Variants in SMOC2 observed in about 807,000 individuals in gnomAD.
SMOC2 encodes the protein SPARC related modular calcium binding 2, also known as SPARC-related modular calcium-binding protein 2.
In SMOC2, 39 loss-of-function variants were observed where a neutral mutation model predicts 61.4. That is an observed-to-expected ratio of 0.64 (90% CI 0.49 to 0.83). The LOEUF (loss-of-function observed/expected upper bound fraction) is 0.83. Ranked by LOEUF, SMOC2 falls within the 40% of genes least tolerant of loss-of-function variation. The probability of loss-of-function intolerance (pLI) is 0.00; values close to 1 mark genes in which losing one functional copy is unlikely to be tolerated. For synonymous variants in SMOC2, 247 were observed against 239.9 expected, an observed-to-expected ratio of 1.03 and a Z score of -0.27; for missense variants, 556 against 592.9, an observed-to-expected ratio of 0.94 and a Z score of 0.65.
intron 1 of SMOC2, among the ~76,000 whole-genome samples, chr6:168,501,533 C>T (rs962230864): frequency 1.3e-5 from 2 of 152,088 alleles, no homozygotes; most frequent in East Asian, 1.9e-4. Flanking sequence ...GGGCCAGGAA[C>T]CTGAAGCCCA....
chr6:168,575,530 T>G (rs183114334), intron 7 of SMOC2, among the ~76,000 whole-genome samples: 3 of 152,138 alleles, frequency 2.0e-5, no homozygotes, highest in African/African-American at 7.2e-5. Context: ...AGTTCCCCGA[T>G]GCAGAAGACG....
intron 1 of SMOC2, among the ~76,000 whole-genome samples, chr6:168,447,813 G>A (rs1781362978): frequency 6.7e-6 from 1 of 148,358 alleles, no homozygotes; most frequent in Admixed American, 6.8e-5. Context: ...TAAAGGACAA[G>A]TTCACCAGTT....
chr6:168,450,707 G>A (rs574844949), intron 1 of SMOC2, among the ~76,000 whole-genome samples: 21 of 152,146 alleles, frequency 1.4e-4, no homozygotes, highest in Admixed American at 3.3e-4. Context: ...GTTCTGTTTG[G>A]AGCTTTGGTT....
At chr6:168,653,254 T>A in intron 11 of SMOC2, 26 bp downstream of exon 11, 2 of 1,104,210 alleles carry the variant, frequency 1.8e-6, no homozygotes, top group Non-Finnish European at 2.6e-6. Context: ...CCCCCGACCC[T>A]GGGCAGTGGT....
intron 1 of SMOC2, among the ~76,000 whole-genome samples, chr6:168,503,065 C>CTTTTT (rs762736911): frequency 4.2e-5 from 2 of 47,824 alleles, no homozygotes; most frequent in Admixed American, 2.9e-4. Flanking sequence ...CGTGCCTGGC[C>CTTTTT]TTTTTTTTTT....
chr6:168,651,077 G>A (rs970481580), intron 10 of SMOC2, among the ~76,000 whole-genome samples: 4 of 152,238 alleles, frequency 2.6e-5, no homozygotes, highest in African/African-American at 9.6e-5. Flanking sequence ...GGCAGGGGGA[G>A]CACTTCCTGC....
At chr6:168,646,233 T>C (rs942155188) in intron 9 of SMOC2, among the ~76,000 whole-genome samples, 1 of 152,176 alleles carries the variant, frequency 6.6e-6, no homozygotes, top group African/African-American at 2.4e-5. Context: ...TTCCCTCGTG[T>C]TCCCGATCCA....
At position 168,652,987 on chromosome 6, in the gene SMOC2, G is replaced by A. The variant is rs1186343951; in HGVS notation, c.1044G>A (p.Glu348=). The part of the protein sequence containing the change: ...LSEPDPSHTL[E]ERVVHWYFKL... ...AACCCGACCCCAGCCATACCCTAGA[G>A]GAGCGGGTGGTGCACTGGTACTTCA... is the stretch of plus-strand genomic sequence containing the variant. Residue 348 remains glutamate (E), a synonymous_variant, in exon 11 of 13, where the codon GAG becomes GAA. Coordinates refer to ENST00000356284, the MANE Select transcript of SMOC2 (RefSeq NM_001166412.2). 5 of 1,613,994 alleles carry A rather than the reference G, an allele frequency of 3.1e-6. No individual in the cohort carries two copies. Among genetic ancestry groups the A allele is most frequent in the Non-Finnish European group, 3.4e-6 (4 of 1,179,960 alleles).
At chr6:168,562,807 T>C (rs907230136) in intron 7 of SMOC2, among the ~76,000 whole-genome samples, 2 of 152,162 alleles carry the variant, frequency 1.3e-5, no homozygotes, top group Non-Finnish European at 2.9e-5. Flanking sequence ...CCCGTGGAGC[T>C]GTTTTCCCGG....
chr6:168,623,426 A>G (rs1169176774), intron 9 of SMOC2, among the ~76,000 whole-genome samples: 1 of 150,154 alleles, frequency 6.7e-6, no homozygotes, highest in Non-Finnish European at 1.5e-5. Context: ...CCCGGGTTCA[A>G]GCAATTCTCC....
intron 1 of SMOC2, among the ~76,000 whole-genome samples, chr6:168,468,814 C>G (rs1781902178): frequency 6.6e-6 from 1 of 152,160 alleles, no homozygotes; most frequent in African/African-American, 2.4e-5. Context: ...GATTACAGAC[C>G]TGAGCCACCA....
At chr6:168,493,800 C>G (rs910019796) in intron 1 of SMOC2, among the ~76,000 whole-genome samples, 2 of 152,066 alleles carry the variant, frequency 1.3e-5, no homozygotes, top group Non-Finnish European at 2.9e-5. Context: ...AAATGACAGC[C>G]AAGAAAATAA....
chr6:168,483,008 T>C (rs963507104), intron 1 of SMOC2, among the ~76,000 whole-genome samples: 6 of 152,088 alleles, frequency 3.9e-5, no homozygotes, highest in African/African-American at 1.4e-4. Context: ...CAAGGATGCC[T>C]GCTTTCACCA....
intron 1 of SMOC2, among the ~76,000 whole-genome samples, chr6:168,482,239 C>T (rs1030439216): frequency 1.3e-5 from 2 of 151,852 alleles, no homozygotes; most frequent in Non-Finnish European, 2.9e-5. Context: ...AAAGTGGGAA[C>T]AGTACTACCA....
Position 168,559,283 on chromosome 6 carries a change from C to T in SMOC2, c.637+10080C>T, listed in dbSNP as rs575035013. On this transcript the variant is annotated intron_variant, in intron 7 of 12. Coordinates refer to ENST00000356284, the MANE Select transcript of SMOC2 (RefSeq NM_001166412.2). ...CCAGCCTGGCCAACATGGTGAAACC[C>T]GGTCTCTACTAAAAATACAAAATTA... 3.0e-4 allele frequency among the ~76,000 whole-genome samples: 46 copies of T among 151,990 alleles called. 1 individual carries two copies. The South Asian group carries it at 6.4e-3, about 21-fold the overall frequency.
chr6:168,595,404 T>G (rs1392695318), intron 7 of SMOC2, among the ~76,000 whole-genome samples: 1 of 152,190 alleles, frequency 6.6e-6, no homozygotes, highest in African/African-American at 2.4e-5. Context: ...TCTACCAGCG[T>G]GATTAAGTCC....
chr6:168,506,874 T>C (rs1782883497), intron 1 of SMOC2, among the ~76,000 whole-genome samples: 2 of 152,242 alleles, frequency 1.3e-5, no homozygotes, highest in South Asian at 4.1e-4. Flanking sequence ...TTCTTTGCAA[T>C]AGGAATATTT....
chr6:168,579,561 C>G (rs914172708), intron 7 of SMOC2, among the ~76,000 whole-genome samples: 2 of 152,294 alleles, frequency 1.3e-5, no homozygotes, highest in East Asian at 3.9e-4. Flanking sequence ...AGAATAAAGT[C>G]GCATTTCTGT....
intron 2 of SMOC2, among the ~76,000 whole-genome samples, chr6:168,518,341 T>G (rs1220052755): frequency 6.0e-5 from 9 of 150,776 alleles, no homozygotes; most frequent in Admixed American, 2.7e-4. Context: ...ATGCCTGAGG[T>G]GTGTGTGCGT....
Sources: gnomAD v4.1 joint callset for allele counts (sites outside exome capture counted in the v4.1 genomes callset) on GRCh38, gnomAD v4.1.1 for gene constraint, MANE v1.5 for transcripts, NCBI Gene and HGNC (gene_info 2026-07-23, HGNC 2026-07-21) for gene names.